The following CNOT6L variants were observed in gnomAD, a reference collection of about 807,000 sequenced individuals.
The protein encoded by CNOT6L is CCR4-NOT transcription complex subunit 6-like.
In CNOT6L, 7 loss-of-function variants were observed where a neutral mutation model predicts 64.0. That is an observed-to-expected ratio of 0.11 (90% confidence interval 0.06 to 0.21). CNOT6L has a LOEUF of 0.21. Among genes scored for constraint, CNOT6L ranks in the 10% least tolerant of loss-of-function variants. The probability of loss-of-function intolerance (pLI) is 1.00; values close to 1 mark genes in which losing one functional copy is unlikely to be tolerated. For missense variants in CNOT6L, 245 were observed against 669.0 expected (o/e 0.37, Z 6.99); for synonymous variants, 193 against 243.4 (o/e 0.79, Z 1.93).
chr4:77,773,043 G>A (rs1727757280), intron 4 of CNOT6L, 38 bp downstream of exon 4: 1 of 1,363,720 alleles, frequency 7.3e-7, no homozygotes, highest in African/African-American at 1.5e-5. Flanking sequence ...CTCTTTAAAA[G>A]GCTCAGAATA....
chr4:77,749,774 G>A (rs992702548), intron 5 of CNOT6L, among the ~76,000 whole-genome samples: 4 of 152,188 alleles, frequency 2.6e-5, no homozygotes, highest in African/African-American at 9.6e-5. Context: ...TGGTGATGGC[G>A]ATAAACAGCA....
intron 4 of CNOT6L, among the ~76,000 whole-genome samples, chr4:77,767,127 A>G (rs1726941501): frequency 6.6e-6 from 1 of 150,748 alleles, no homozygotes; most frequent in Non-Finnish European, 1.5e-5. Context: ...AAAAAAAAAA[A>G]GTATAAAGTA....
intron 8 of CNOT6L, chr4:77,731,904 G>A: frequency 5.9e-6 from 1 of 168,224 alleles, no homozygotes; most frequent in Admixed American, 6.3e-5. Flanking sequence ...GACTTCTTGT[G>A]TGAGAAAATC....
intron 4 of CNOT6L, among the ~76,000 whole-genome samples, chr4:77,759,484 GA>G (rs1725931200): frequency 6.6e-6 from 1 of 151,694 alleles, no homozygotes; most frequent in Admixed American, 6.6e-5. Context: ...AGAATGGTAT[GA>G]ACCCGGGAGG....
At position 77,715,958 on chromosome 4, in the gene CNOT6L, T is replaced by C. The variant is rs1009607104; in HGVS notation, c.*4473A>G. The stretch of plus-strand genomic sequence containing the variant: ...AAATTAGAATCGCCCAAAGCAACCA[T>C]AGTATAAAAGTTCTCATCTGCCTAC... On this transcript the variant is annotated 3_prime_UTR_variant, in exon 12 of 12. Transcript: ENST00000504123. 5.2e-5 allele frequency: 8 copies of C among 152,540 alleles called. No homozygotes were observed. The highest frequency in any genetic ancestry group is 1.9e-4 in the African/African-American group (8 of 41,436). The allele number at this position is 152,540 out of a possible 1,614,324, so 9.4% of individuals were successfully genotyped here.
At chr4:77,753,664 C>G (rs1216449099) in intron 5 of CNOT6L, among the ~76,000 whole-genome samples, 1 of 151,680 alleles carries the variant, frequency 6.6e-6, no homozygotes, top group Non-Finnish European at 1.5e-5. Context: ...GAGCATAACT[C>G]CATCTCATAA....
intron 1 of CNOT6L, among the ~76,000 whole-genome samples, chr4:77,778,669 T>G: frequency 6.7e-6 from 1 of 150,202 alleles, no homozygotes; most frequent in South Asian, 2.1e-4. Context: ...CCTCCCAAAG[T>G]GCTGGGATTA....
intron 5 of CNOT6L, among the ~76,000 whole-genome samples, chr4:77,754,860 C>T (rs115163577): frequency 0.022 from 1,386 of 62,894 alleles, 28 homozygotes; most frequent in African/African-American, 0.08. Context: ...ATGGAAAAGT[C>T]ATAAAACCTA....
intron 8 of CNOT6L, among the ~76,000 whole-genome samples, chr4:77,738,242 T>C (rs1723189754): frequency 6.6e-6 from 1 of 152,162 alleles, no homozygotes; most frequent in Non-Finnish European, 1.5e-5. Flanking sequence ...AAATTGCTGT[T>C]TTCATCTTTC....
chr4:77,787,074 T>G (rs1314575272), intron 1 of CNOT6L, among the ~76,000 whole-genome samples: 1 of 151,960 alleles, frequency 6.6e-6, no homozygotes, highest in East Asian at 1.9e-4. Context: ...AAGACCGGCC[T>G]GGCCAACATG....
At chr4:77,752,360 T>G (rs2109981611) in intron 5 of CNOT6L, among the ~76,000 whole-genome samples, 1 of 152,308 alleles carries the variant, frequency 6.6e-6, no homozygotes, top group Non-Finnish European at 1.5e-5. Flanking sequence ...AAGTAATCAT[T>G]AAGTACATCT....
At chr4:77,721,181 G>T (rs902850192) in intron 11 of CNOT6L, among the ~76,000 whole-genome samples, 2 of 152,080 alleles carry the variant, frequency 1.3e-5, no homozygotes, top group South Asian at 4.1e-4. Context: ...ACACTACACA[G>T]TTAACTATTC....
intron 1 of CNOT6L, among the ~76,000 whole-genome samples, chr4:77,807,170 C>A (rs554303309): frequency 6.7e-6 from 1 of 150,012 alleles, no homozygotes; most frequent in Non-Finnish European, 1.5e-5. Context: ...CCCAGCTACT[C>A]GGGAGGCTGA....
chr4:77,732,149 G>T (rs1722507416), intron 8 of CNOT6L, among the ~76,000 whole-genome samples: 1 of 152,032 alleles, frequency 6.6e-6, no homozygotes, highest in Non-Finnish European at 1.5e-5. Flanking sequence ...TTGCAATGGG[G>T]TATAAGTATT....
chr4:77,742,087 G>GT, intron 8 of CNOT6L, 54 bp downstream of exon 8: 2 of 1,504,288 alleles, frequency 1.3e-6, no homozygotes, highest in Non-Finnish European at 1.8e-6. Flanking sequence ...ATTTTAAAGT[G>GT]TAAGCATTTA....
chr4:77,760,396 A>G (rs1003558982), intron 4 of CNOT6L, among the ~76,000 whole-genome samples: 2 of 152,052 alleles, frequency 1.3e-5, no homozygotes, highest in African/African-American at 2.4e-5. Context: ...GTATAATTAA[A>G]TGCTTTGAGT....
chr4:77,751,738 T>C (rs1724886593), intron 5 of CNOT6L, among the ~76,000 whole-genome samples: 1 of 152,204 alleles, frequency 6.6e-6, no homozygotes, highest in Non-Finnish European at 1.5e-5. Context: ...GGTACAATAT[T>C]TTTCAAGGAC....
chr4:77,819,128 T>A, intron 1 of CNOT6L, 176 bp downstream of exon 1: 13 of 1,005,088 alleles, frequency 1.3e-5, no homozygotes, highest in Non-Finnish European at 1.5e-5. Flanking sequence ...CGCCGCCCCC[T>A]CCAGTCACCC....
rs1438928039 is a variant in CNOT6L at position 77,715,907 on chromosome 4, A to G, written c.*4524T>C. 6.6e-6 allele frequency: 1 copy of G among 152,452 alleles called. No individual in the cohort carries two copies. Among genetic ancestry groups the G allele is most frequent in the Non-Finnish European group, 1.5e-5 (1 of 67,920 alleles). 9.4% of individuals were successfully genotyped at this position (152,452 alleles called of 1,614,324 possible). A position where few individuals can be genotyped will look rare whatever the true frequency, so the allele number is the denominator to read the frequency against. On this transcript the variant is annotated 3_prime_UTR_variant, in exon 12 of 12. Transcript: ENST00000504123. ...AAGATGTACTAAAATGTTTGAATTA[A>G]TTTTGGTGATCATGATGCTATTACA... is the stretch of plus-strand genomic sequence containing the variant.
Sources: allele counts gnomAD v4.1 joint callset (sites outside exome capture counted in the v4.1 genomes callset), GRCh38; gene constraint gnomAD v4.1.1; transcripts MANE v1.5; gene names NCBI Gene and HGNC (gene_info 2026-07-23, HGNC 2026-07-21).